Variants in ZSCAN20 observed in about 807,000 individuals in gnomAD.
The protein encoded by ZSCAN20 is zinc finger and SCAN domain containing 20.
ZSCAN20 carries 39 observed loss-of-function variants against 97.1 expected under a neutral mutation model. The observed-to-expected ratio is 0.40, with a 90% CI of 0.31 to 0.52. ZSCAN20 has a LOEUF of 0.52. Ranked by LOEUF, ZSCAN20 falls within the 20% of genes least tolerant of loss-of-function variation. The pLI, the probability that ZSCAN20 is intolerant of heterozygous loss-of-function variation, is 0.49. For missense variants in ZSCAN20, 1,115 were observed against 1,290.4 expected (o/e 0.86, Z 2.08); for synonymous variants, 456 against 467.3 (o/e 0.98, Z 0.31).
rs1406676842 is a variant in ZSCAN20 at position 33,491,554 on chromosome 1, T to C, written c.1296T>C (p.Tyr432=). 2.5e-6 allele frequency: 4 copies of C among 1,613,908 alleles called. No individual in the cohort carries two copies. The African/African-American group carries it at 5.3e-5, about 22-fold the overall frequency. Residue 432 remains tyrosine, a synonymous_variant, in exon 6 of 8, where the codon TAT becomes TAC. Transcript: ENST00000684572. The surrounding 1 kb of genome is among the most constrained non-coding windows in gnomAD (Gnocchi z 4.3). ...CCGTGGCACTTCCCAGGCTCGGGTA[T>C]AGTGACGCAGAGATGGATGAGCAGG... ...GEAVALPRLG[Y]SDAEMDEQEE... is the part of the protein sequence containing the mutation.
Position 33,496,590 on chromosome 1 carries a change from A to G in ZSCAN20, c.*1114A>G, listed in dbSNP as rs868081408. On this transcript the variant is annotated 3_prime_UTR_variant, in exon 8 of 8. Coordinates refer to ENST00000684572, the MANE Select transcript of ZSCAN20 (RefSeq NM_001377376.1). ...GTAAGAGTTCTCTTTTTCTCAGGGG[A>G]CAGTCCTACTTCTTGCCATGCTTGG... 1 of 152,254 alleles carries G rather than the reference A, an allele frequency of 6.6e-6. No individual in the cohort carries two copies. Among genetic ancestry groups the G allele is most frequent in the Middle Eastern group, 3.4e-3 (1 of 294 alleles). The allele number at this position is 152,254 out of a possible 1,614,324, so 9.4% of individuals were successfully genotyped here. A position where few individuals can be genotyped will look rare whatever the true frequency, so the allele number is the denominator to read the frequency against.
chr1:33,487,214 C>T (rs1400619232), intron 2 of ZSCAN20, among the ~76,000 whole-genome samples: 2 of 152,264 alleles, frequency 1.3e-5, no homozygotes, highest in African/African-American at 4.8e-5. Flanking sequence ...GGCATTTTCA[C>T]TGAATATACC....
At position 33,498,532 on chromosome 1, in the gene ZSCAN20, C is replaced by T. The variant is rs574340738; in HGVS notation, c.*3056C>T. Among the ~76,000 whole-genome samples, 1 of 152,310 alleles carries T rather than the reference C, an allele frequency of 6.6e-6. No individual in the cohort carries two copies. Among genetic ancestry groups the T allele is most frequent in the East Asian group, 1.9e-4 (1 of 5,178 alleles). On this transcript the variant is annotated 3_prime_UTR_variant, in exon 8 of 8. Transcript: ENST00000684572. ...GCTTGCTGGGCACCCAGGCGCCCTC[C>T]AGTAGGTCTGTGCTGCTCAGATAAA...
chr1:33,479,757 G>A (rs1236868163), intron 2 of ZSCAN20, 52 bp downstream of exon 2: 2 of 1,437,498 alleles, frequency 1.4e-6, no homozygotes, highest in Middle Eastern at 1.8e-4. Context: ...AAGGCAGCAG[G>A]GTTGTGACTA....
Position 33,491,285 on chromosome 1 carries a change from T to G in ZSCAN20, c.1027T>G (p.Phe343Val), listed in dbSNP as rs756837647. The G allele has an allele frequency of 1.2e-6, 2 of 1,614,190 alleles. No homozygotes were observed. Among genetic ancestry groups the G allele is most frequent in the East Asian group, 4.5e-5 (2 of 44,886 alleles). Residue 343 changes from phenylalanine (F) to valine (V), a missense_variant, in exon 6 of 8, where the codon TTC (phenylalanine) becomes GTC (valine). Phe to Val is a conservative substitution (Grantham distance 50, BLOSUM62 -1). Transcript: ENST00000684572. This position sits in a 1 kb window ranked among gnomAD's most constrained non-coding sequence, Gnocchi z 4.3. ...TFLAILSESP[F>V]SEKLRTCHQN... Reference sequence around the variant, plus strand: ...CCTGGCAATTTTGAGTGAATCTCCTTTCTCTGAAAAGCTCCGGACTTGTCA... The same window carrying G: ...CCTGGCAATTTTGAGTGAATCTCCTGTCTCTGAAAAGCTCCGGACTTGTCA...
At chr1:33,473,226 C>G (rs1231746519) in intron 1 of ZSCAN20, among the ~76,000 whole-genome samples, 1 of 152,126 alleles carries the variant, frequency 6.6e-6, no homozygotes, top group Non-Finnish European at 1.5e-5. Context: ...GTCAGTGGCA[C>G]GATCATCCCA....
In ZSCAN20 at chr1:33,494,846, C is replaced by T. The variant is rs771077355; in HGVS notation, c.2502C>T (p.Ser834=). 5 of 1,614,154 alleles carry T rather than the reference C, an allele frequency of 3.1e-6. No individual in the cohort carries two copies. Among genetic ancestry groups the T allele is most frequent in the Admixed American group, 3.3e-5 (2 of 60,024 alleles). Residue 834 remains serine, a synonymous_variant, in exon 8 of 8, where the codon AGC becomes AGT. Transcript: ENST00000684572. ...AGCCTGGGGGAAACTTTGCCCAAAG[C>T]CCATCTTTTAGTGCTCACTGGAGGA... The part of the protein sequence containing the change: ...CSEPGGNFAQ[S]PSFSAHWRNS...
rs986679948 is a variant in ZSCAN20, at chr1:33,493,335, G to A, written c.1593G>A (p.Arg531=). 21 of 1,614,098 alleles carry A rather than the reference G, an allele frequency of 1.3e-5. No individual in the cohort carries two copies. In the South Asian group the frequency reaches 2.2e-4, roughly 17 times the overall value. ...AERLCALGFL[R]TLEQCRYRFK... ...GGCTGTGTGCTCTGGGCTTCCTGCGGACACTGGAGCAGTGTCGCTACAGAT... is the reference window on the plus strand; with the variant it reads ...GGCTGTGTGCTCTGGGCTTCCTGCGAACACTGGAGCAGTGTCGCTACAGAT... Residue 531 remains arginine, a synonymous_variant, in exon 7 of 8, where the codon CGG becomes CGA. Transcript: ENST00000684572. The surrounding 1 kb of genome is among the most constrained non-coding windows in gnomAD (Gnocchi z 4.3).
chr1:33,489,886 T>C (rs1652528705), intron 5 of ZSCAN20, among the ~76,000 whole-genome samples: 1 of 152,088 alleles, frequency 6.6e-6, no homozygotes, highest in South Asian at 2.1e-4. Context: ...TGGACTGCCA[T>C]CTCAGAAATC....
chr1:33,488,631 C>A lies in ZSCAN20; in HGVS notation c.584C>A (p.Pro195Gln). The change falls in exon 3 of 8, where the codon CCA (proline) becomes CAA (glutamine). Residue 195 changes from proline to glutamine, a missense_variant. Coordinates refer to ENST00000684572, the MANE Select transcript of ZSCAN20 (RefSeq NM_001377376.1). ...AATCACCTAAATGCCGAGGTGGCAC[C>A]ACAGCCTTTGAAAGAGAGTGGTGAG... is the stretch of plus-strand genomic sequence containing the variant. ...LPNHLNAEVA[P>Q]QPLKESAVLT... 6.2e-7 allele frequency: 1 copy of A among 1,612,538 alleles called. No individual in the cohort carries two copies. Among genetic ancestry groups the A allele is most frequent in the Non-Finnish European group, 8.5e-7 (1 of 1,179,542 alleles).
At chr1:33,485,853 T>G (rs1017460739) in intron 2 of ZSCAN20, among the ~76,000 whole-genome samples, 1 of 152,238 alleles carries the variant, frequency 6.6e-6, no homozygotes, top group African/African-American at 2.4e-5. Flanking sequence ...ACTTCTTTTC[T>G]TCTGCTTACT....
chr1:33,489,327 C>A, intron 4 of ZSCAN20, 136 bp downstream of exon 4: 1 of 1,077,592 alleles, frequency 9.3e-7, no homozygotes, highest in Non-Finnish European at 1.4e-6. Context: ...TTGCCCTTCA[C>A]CCCCAGCCTG....
In ZSCAN20 at chr1:33,491,986, C is replaced by T; in HGVS notation, c.1444+284C>T. The T allele has an allele frequency of 3.2e-6, 1 of 314,392 alleles. No individual in the cohort carries two copies. The highest frequency in any genetic ancestry group is 5.8e-6 in the Non-Finnish European group (1 of 172,250). 19.5% of individuals were successfully genotyped at this position (314,392 alleles called of 1,614,324 possible). On this transcript the variant is annotated intron_variant, in intron 6 of 7. Coordinates refer to ENST00000684572, the MANE Select transcript of ZSCAN20 (RefSeq NM_001377376.1). The surrounding 1 kb of genome is among the most constrained non-coding windows in gnomAD (Gnocchi z 4.3). The stretch of plus-strand genomic sequence containing the variant: ...TGTGTCACTGGTAGTATGGGATGAT[C>T]ATCGACGTTACATGAATGAACTTTA...
intron 2 of ZSCAN20, among the ~76,000 whole-genome samples, chr1:33,483,806 C>G (rs1209444074): frequency 6.6e-6 from 1 of 152,148 alleles, no homozygotes; most frequent in Middle Eastern, 3.2e-3. Flanking sequence ...AAGCTGACAT[C>G]TTGACTACAG....
At chr1:33,489,238 C>A in intron 4 of ZSCAN20, 47 bp downstream of exon 4, 1 of 1,572,762 alleles carries the variant, frequency 6.4e-7, no homozygotes, top group Non-Finnish European at 8.7e-7. Context: ...TGCTCCTGTG[C>A]TCTTGCCCCC....
At position 33,479,224 on chromosome 1, in the gene ZSCAN20, A is replaced by G; in HGVS notation, c.-65A>G. 1 of 1,505,104 alleles carries G rather than the reference A, an allele frequency of 6.6e-7. No individual in the cohort carries two copies. 93.2% of individuals were successfully genotyped at this position (1,505,104 alleles called of 1,614,324 possible). On this transcript the variant is annotated 5_prime_UTR_variant, in exon 2 of 8. Transcript: ENST00000684572. ...TTTCTAGGAGCCTCTTGAAGGACTC[A>G]CCGTAGATGCAGGAAGACATTGGAT...
At position 33,501,536 on chromosome 1, in the gene ZSCAN20, AT is replaced by A. The variant is rs34549868; in HGVS notation, c.*6074del. ...TGCTTTCACTTCCCCATTTTCTGTT[AT>A]TTTTTTTTTTTTTGTGCTGTTATGT... On this transcript the variant is annotated 3_prime_UTR_variant, in exon 8 of 8. Coordinates refer to ENST00000684572, the MANE Select transcript of ZSCAN20 (RefSeq NM_001377376.1). Among the ~76,000 whole-genome samples the A allele has an allele frequency of 2.6e-3, 357 of 136,728 alleles. 3 individuals are homozygous for A. Among genetic ancestry groups the A allele is most frequent in the East Asian group, 7.0e-3 (32 of 4,556 alleles). 89.7% of individuals were successfully genotyped at this position (136,728 alleles called of 152,430 possible).
intron 7 of ZSCAN20, 52 bp from the exon 8 acceptor site, chr1:33,494,166 C>T: frequency 6.7e-7 from 1 of 1,488,026 alleles, no homozygotes; most frequent in Non-Finnish European, 9.0e-7. Context: ...CAAACACACA[C>T]ACACGCGCGC....
In ZSCAN20 at chr1:33,494,857, G is replaced by C. The variant is rs137945404; in HGVS notation, c.2513G>C (p.Ser838Thr). Residue 838 changes from serine (S) to threonine (T), a missense_variant, in exon 8 of 8, where the codon AGT becomes ACT. Physicochemically the swap from Ser to Thr is moderately conservative, Grantham distance 58. Coordinates refer to ENST00000684572, the MANE Select transcript of ZSCAN20 (RefSeq NM_001377376.1). ...GGNFAQSPSF[S>T]AHWRNSTEET... ...AACTTTGCCCAAAGCCCATCTTTTA[G>C]TGCTCACTGGAGGAATTCTACAGAA... The C allele has an allele frequency of 1.2e-6, 2 of 1,614,212 alleles. No homozygotes were observed. The highest frequency in any genetic ancestry group is 1.7e-6 in the Non-Finnish European group (2 of 1,180,042).
Sources: gnomAD v4.1 joint callset for allele counts (sites outside exome capture counted in the v4.1 genomes callset) on GRCh38, gnomAD v4.1.1 for gene constraint, Gnocchi (gnomAD v3.1) non-coding constraint, MANE v1.5 for transcripts, NCBI Gene and HGNC (gene_info 2026-07-23, HGNC 2026-07-21) for gene names.